The following POLD3 variants were observed in gnomAD, a reference collection of about 807,000 sequenced individuals.
POLD3 encodes DNA polymerase delta subunit 3.
Under a neutral mutation model 58.2 loss-of-function variants are expected in POLD3, and 19 were observed. The ratio of observed to expected loss-of-function variants is 0.33; its 90% CI spans 0.23 to 0.48. The LOEUF is 0.48. POLD3 is among the 20% of genes least tolerant of loss of function. The pLI is 0.99. For missense variants in POLD3, 504 were observed against 545.5 expected, an observed-to-expected ratio of 0.92 and a Z score of 0.76; for synonymous variants, 172 against 193.5, an observed-to-expected ratio of 0.89 and a Z score of 0.92.
At chr11:74,629,077 T>G in intron 8 of POLD3, 140 bp from the exon 9 acceptor site, 1 of 563,334 alleles carries the variant, frequency 1.8e-6, no homozygotes, top group Non-Finnish European at 3.1e-6. Context: ...TTAACAAGAG[T>G]CCTTCTTGGA....
chr11:74,613,212 C>G (rs977980812), intron 5 of POLD3, among the ~76,000 whole-genome samples: 6 of 152,014 alleles, frequency 3.9e-5, no homozygotes, highest in African/African-American at 1.2e-4. Context: ...AGTGGACTCT[C>G]CATAAATCTA....
In POLD3 at chr11:74,654,425, C is replaced by T. The variant is rs186011281; in HGVS notation, c.370-14352C>T. On this transcript the variant is annotated intron_variant, in intron 4 of 4. Coordinates refer to the POLD3 transcript ENST00000524752. The stretch of plus-strand genomic sequence containing the variant: ...CACAATAACATTAAATAAAACAGAA[C>T]TAAAAACAAGTAGATAAATCTGTAA... 4.6e-5 allele frequency among the ~76,000 whole-genome samples: 7 copies of T among 152,040 alleles called. No individual in the cohort carries two copies. In the East Asian group the frequency reaches 1.4e-3, roughly 29 times the overall value.
chr11:74,602,258 A>G (rs1380734843), intron 2 of POLD3, among the ~76,000 whole-genome samples: 2 of 152,152 alleles, frequency 1.3e-5, no homozygotes, highest in Non-Finnish European at 2.9e-5. Flanking sequence ...TGAAAGCTTT[A>G]TAACAAGGAA....
chr11:74,646,128 A>G (rs554553229), downstream of POLD3, among the ~76,000 whole-genome samples: 2 of 151,930 alleles, frequency 1.3e-5, no homozygotes, highest in Admixed American at 1.3e-4. Flanking sequence ...GCATGCCACC[A>G]CACCTGGCTA....
chr11:74,608,310 G>A (rs2031766989), intron 3 of POLD3, among the ~76,000 whole-genome samples: 1 of 151,984 alleles, frequency 6.6e-6, no homozygotes, highest in Non-Finnish European at 1.5e-5. Flanking sequence ...TATTAGAGAC[G>A]AGGTCTCACT....
At chr11:74,656,187 TTTC>T (rs1489315365) in intron 4 of POLD3, among the ~76,000 whole-genome samples, 1 of 152,176 alleles carries the variant, frequency 6.6e-6, no homozygotes, top group African/African-American at 2.4e-5. Flanking sequence ...ATTTGAAGTT[TTTC>T]TTCTTTTTTA....
intron 8 of POLD3, among the ~76,000 whole-genome samples, chr11:74,626,755 T>C (rs143569458): frequency 9.0e-4 from 137 of 152,300 alleles, no homozygotes; most frequent in African/African-American, 3.2e-3. Flanking sequence ...ACTCATGCGC[T>C]GCATAACGAT....
chr11:74,637,493 G>A (rs1354872441), intron 11 of POLD3, among the ~76,000 whole-genome samples: 1 of 134,390 alleles, frequency 7.4e-6, no homozygotes, highest in East Asian at 2.1e-4. Context: ...AAGCCTCTTG[G>A]TTTGGCCATG....
chr11:74,652,314 A>G (rs1565133391), intron 4 of POLD3, among the ~76,000 whole-genome samples: 2 of 152,230 alleles, frequency 1.3e-5, no homozygotes, highest in African/African-American at 2.4e-5. Flanking sequence ...GTTAGGATAG[A>G]TTGTTAGGAA....
intron 4 of POLD3, among the ~76,000 whole-genome samples, chr11:74,612,596 G>A (rs1254099543): frequency 2.0e-5 from 3 of 152,090 alleles, no homozygotes; most frequent in Non-Finnish European, 4.4e-5. Context: ...AAAGATCATC[G>A]TAGTCATCAT....
chr11:74,664,581 ACAT>A (rs768686782), intron 4 of POLD3, among the ~76,000 whole-genome samples: 1 of 152,196 alleles, frequency 6.6e-6, no homozygotes, highest in Admixed American at 6.5e-5. Flanking sequence ...CCAGACAAAG[ACAT>A]CATAAGAAAA....
intron 4 of POLD3, chr11:74,652,611 G>C (rs7934301): frequency 0.82 from 124,555 of 152,204 alleles, 51,147 homozygotes; most frequent in Middle Eastern, 0.94. Context: ...GAAAACTCCC[G>C]AAGGCATTGT....
intron 2 of POLD3, among the ~76,000 whole-genome samples, chr11:74,601,119 A>G (rs1317175486): frequency 1.3e-5 from 2 of 152,236 alleles, no homozygotes; most frequent in East Asian, 1.9e-4. Context: ...ATAGAGGACA[A>G]TGACTGATGA....
chr11:74,649,338 A>G (rs77755789), intron 4 of POLD3, among the ~76,000 whole-genome samples: 4,354 of 152,278 alleles, frequency 0.029, 246 homozygotes, highest in African/African-American at 0.099. Flanking sequence ...AGGAAATTCA[A>G]TGGTAGAAAG....
At chr11:74,634,943 T>C (rs2032704575) in intron 10 of POLD3, among the ~76,000 whole-genome samples, 1 of 152,188 alleles carries the variant, frequency 6.6e-6, no homozygotes. Context: ...TGTTCTGTTT[T>C]CATGACCTTC....
intron 5 of POLD3, among the ~76,000 whole-genome samples, chr11:74,617,033 A>G (rs1355560661): frequency 6.6e-6 from 1 of 152,228 alleles, no homozygotes; most frequent in Non-Finnish European, 1.5e-5. Context: ...AAAGATAAAT[A>G]AGACTTCAAG....
chr11:74,666,763 G>A (rs1056651070), intron 4 of POLD3, among the ~76,000 whole-genome samples: 1 of 151,956 alleles, frequency 6.6e-6, no homozygotes, highest in Non-Finnish European at 1.5e-5. Flanking sequence ...AAATGCAAGG[G>A]ACCAAGAACA....
At chr11:74,631,080 T>G (rs2032576288) in intron 9 of POLD3, among the ~76,000 whole-genome samples, 1 of 152,230 alleles carries the variant, frequency 6.6e-6, no homozygotes, top group African/African-American at 2.4e-5. Context: ...ACCTCTGACA[T>G]TTTATTCTTA....
chr11:74,592,741 C>G, intron 1 of POLD3, 23 bp downstream of exon 1: 2 of 1,613,412 alleles, frequency 1.2e-6, no homozygotes, highest in Non-Finnish European at 1.7e-6. Flanking sequence ...TACTGGGGAA[C>G]GCGGGCGTGC....
Sources: gnomAD v4.1 joint callset for allele counts (sites outside exome capture counted in the v4.1 genomes callset) on GRCh38, gnomAD v4.1.1 for gene constraint, MANE v1.5 for transcripts, NCBI Gene and HGNC (gene_info 2026-07-23, HGNC 2026-07-21) for gene names.